The following BANK1 variants were observed in gnomAD, a reference collection of about 807,000 sequenced individuals.
BANK1 encodes B cell scaffold protein with ankyrin repeats 1.
In BANK1, 95 loss-of-function variants were observed where a neutral mutation model predicts 94.5. That is an observed-to-expected ratio of 1.00 (90% CI 0.85 to 1.19). The LOEUF is 1.19. Among genes scored for constraint, BANK1 ranks in the 50% most tolerant of loss-of-function variants. BANK1 has a pLI of 0.00. For synonymous variants in BANK1, 334 were observed against 308.4 expected (o/e 1.08, Z -0.87); for missense variants, 987 against 932.2 (o/e 1.06, Z -0.77).
intron 7 of BANK1, among the ~76,000 whole-genome samples, chr4:101,958,927 G>A (rs1329527958): frequency 1.3e-5 from 2 of 152,162 alleles, no homozygotes; most frequent in Admixed American, 6.5e-5. Context: ...AGAGGATTAT[G>A]TGAAAGCTTT....
intron 5 of BANK1, among the ~76,000 whole-genome samples, chr4:101,886,452 A>C (rs1728859318): frequency 6.6e-6 from 1 of 152,194 alleles, no homozygotes; most frequent in Admixed American, 6.5e-5. Context: ...AAATTTCTGA[A>C]ATGTTTTCAA....
chr4:101,983,216 T>A (rs1725377347), intron 7 of BANK1, among the ~76,000 whole-genome samples: 1 of 152,060 alleles, frequency 6.6e-6, no homozygotes, highest in Non-Finnish European at 1.5e-5. Context: ...ATTTAAATTT[T>A]AAAATACACA....
chr4:101,951,705 C>A (rs1724162627), intron 7 of BANK1, among the ~76,000 whole-genome samples: 1 of 151,918 alleles, frequency 6.6e-6, no homozygotes, highest in Non-Finnish European at 1.5e-5. Context: ...TTTGTTTTTG[C>A]TCTGATAAAC....
chr4:101,823,717 G>A (rs773704636), intron 1 of BANK1, among the ~76,000 whole-genome samples: 9 of 152,192 alleles, frequency 5.9e-5, no homozygotes, highest in Non-Finnish European at 1.2e-4. Context: ...TTCCATGGTT[G>A]CTCTATGAGA....
At chr4:101,948,633 G>A (rs1441874750) in intron 7 of BANK1, among the ~76,000 whole-genome samples, 2 of 152,108 alleles carry the variant, frequency 1.3e-5, no homozygotes, top group African/African-American at 4.8e-5. Flanking sequence ...GGGAGGTGCT[G>A]TGGATATTGC....
At chr4:101,923,731 G>A (rs1723071064) in intron 7 of BANK1, among the ~76,000 whole-genome samples, 1 of 151,850 alleles carries the variant, frequency 6.6e-6, no homozygotes. Flanking sequence ...GAAATGGGAT[G>A]TGCAGTTGTG....
intron 14 of BANK1, among the ~76,000 whole-genome samples, chr4:102,071,541 G>C (rs1160597950): frequency 6.6e-6 from 1 of 152,194 alleles, no homozygotes; most frequent in Admixed American, 6.5e-5. Context: ...ATTCTTGATT[G>C]ATCCTGCTGT....
intron 4 of BANK1, among the ~76,000 whole-genome samples, chr4:101,868,277 A>G (rs1174302424): frequency 6.6e-6 from 1 of 152,052 alleles, no homozygotes; most frequent in African/African-American, 2.4e-5. Flanking sequence ...CAGATACACC[A>G]ACCTAATACC....
intron 9 of BANK1, among the ~76,000 whole-genome samples, chr4:102,026,654 C>A (rs528935089): frequency 6.6e-5 from 10 of 151,796 alleles, no homozygotes; most frequent in Admixed American, 5.2e-4. Flanking sequence ...CATGGTGAAA[C>A]CCCCATCTCT....
chr4:101,897,579 A>G (rs1722130102), intron 6 of BANK1, among the ~76,000 whole-genome samples: 1 of 152,016 alleles, frequency 6.6e-6, no homozygotes, highest in African/African-American at 2.4e-5. Flanking sequence ...AGAAGCTTCC[A>G]GGTGAAGCTG....
chr4:101,803,665 C>G (rs552663666), intron 1 of BANK1, among the ~76,000 whole-genome samples: 2 of 151,982 alleles, frequency 1.3e-5, no homozygotes, highest in East Asian at 3.9e-4. Context: ...ATATTTGCAA[C>G]AATTTGAAAA....
In BANK1 at chr4:102,025,240, C is replaced by G. The variant is rs1311487150; in HGVS notation, c.1325C>G (p.Thr442Arg). The change falls in exon 9 of 17, where the codon ACA becomes AGA. Residue 442 changes from threonine (T) to arginine (R), a missense_variant. Transcript: ENST00000322953. ...NPAFHHESRK[T>R]YGQSADGAEA... ...GCATTTCATCATGAAAGCAGGAAGA[C>G]ATACGGGCAGAGTGCAGATGGAGCT... 6.2e-7 allele frequency: 1 copy of G among 1,613,978 alleles called. No individual in the cohort carries two copies. Among genetic ancestry groups the G allele is most frequent in the Non-Finnish European group, 8.5e-7 (1 of 1,180,006 alleles).
chr4:101,944,113 C>G (rs963207314), intron 7 of BANK1, among the ~76,000 whole-genome samples: 1 of 150,826 alleles, frequency 6.6e-6, no homozygotes, highest in Non-Finnish European at 1.5e-5. Flanking sequence ...TGTGTGTGTA[C>G]AGATCCAACT....
chr4:101,968,126 G>A (rs1040937560), intron 7 of BANK1, among the ~76,000 whole-genome samples: 1 of 152,140 alleles, frequency 6.6e-6, no homozygotes, highest in Admixed American at 6.6e-5. Context: ...TGCCCACACA[G>A]GAGGCTACAG....
At chr4:101,915,443 T>C (rs2148899177) in intron 6 of BANK1, among the ~76,000 whole-genome samples, 1 of 152,194 alleles carries the variant, frequency 6.6e-6, no homozygotes, top group East Asian at 1.9e-4. Context: ...CAAGAAGAAA[T>C]TAAGACTCAT....
intron 7 of BANK1, among the ~76,000 whole-genome samples, chr4:101,952,068 A>G (rs937158940): frequency 6.6e-6 from 1 of 152,034 alleles, no homozygotes; most frequent in Non-Finnish European, 1.5e-5. Flanking sequence ...ACCTATTAAT[A>G]AATAAATAAA....
intron 5 of BANK1, among the ~76,000 whole-genome samples, chr4:101,883,131 G>A (rs1340152823): frequency 6.6e-6 from 1 of 152,092 alleles, no homozygotes; most frequent in Admixed American, 6.5e-5. Context: ...CATTTCTTTT[G>A]TGCTGCATTT....
chr4:101,873,425 T>C (rs1043047295), intron 5 of BANK1, among the ~76,000 whole-genome samples: 2 of 152,146 alleles, frequency 1.3e-5, no homozygotes, highest in Non-Finnish European at 2.9e-5. Flanking sequence ...TTGTGTGAAT[T>C]TGAGGAAAGA....
chr4:102,007,146 T>TTATATATATATATATATA (rs376933355), intron 7 of BANK1, among the ~76,000 whole-genome samples: 6 of 38,050 alleles, frequency 1.6e-4, no homozygotes, highest in Non-Finnish European at 3.4e-4. Flanking sequence ...AAAATATATT[T>TTATATATATATATATATA]TATATATATA....
Sources: gnomAD v4.1 joint callset for allele counts (sites outside exome capture counted in the v4.1 genomes callset) on GRCh38, gnomAD v4.1.1 for gene constraint, MANE v1.5 for transcripts, NCBI Gene and HGNC (gene_info 2026-07-23, HGNC 2026-07-21) for gene names.